The following FRMD3 variants were observed in gnomAD, a reference collection of about 807,000 sequenced individuals.
The protein encoded by FRMD3 is FERM domain containing 3, also known as FERM domain-containing protein 3.
FRMD3 carries 33 observed loss-of-function variants against 70.2 expected under a neutral mutation model. The ratio of observed to expected loss-of-function variants is 0.47; its 90% CI spans 0.36 to 0.63. The LOEUF (loss-of-function observed/expected upper bound fraction) is 0.63, where lower values mean the gene tolerates loss of function less well. FRMD3 is among the 20% of genes least tolerant of loss of function. FRMD3 has a pLI of 0.00. For missense variants in FRMD3, 632 were observed against 711.4 expected (o/e 0.89, Z 1.27); for synonymous variants, 279 against 255.9 (o/e 1.09, Z -0.86).
intron 1 of FRMD3, among the ~76,000 whole-genome samples, chr9:83,476,060 T>C (rs1157835875): frequency 6.6e-6 from 1 of 152,110 alleles, no homozygotes; most frequent in Non-Finnish European, 1.5e-5. Context: ...TGCTGTATCC[T>C]TGGGCCGACA....
chr9:83,400,460 T>C (rs1444916629), intron 1 of FRMD3, among the ~76,000 whole-genome samples: 1 of 152,186 alleles, frequency 6.6e-6, no homozygotes, highest in African/African-American at 2.4e-5. Flanking sequence ...ATTGTCAAGA[T>C]GTCAGTTCTT....
intron 1 of FRMD3, among the ~76,000 whole-genome samples, chr9:83,450,636 C>A (rs1156467751): frequency 6.6e-6 from 1 of 152,128 alleles, no homozygotes; most frequent in Non-Finnish European, 1.5e-5. Context: ...GGAACAAAGA[C>A]CCTCAGCTCC....
intron 1 of FRMD3, among the ~76,000 whole-genome samples, chr9:83,505,463 A>G (rs180728057): frequency 6.6e-6 from 1 of 152,266 alleles, no homozygotes; most frequent in East Asian, 1.9e-4. Flanking sequence ...AGGATTACTT[A>G]CAGATGGGGG....
intron 13 of FRMD3, among the ~76,000 whole-genome samples, chr9:83,279,876 A>G (rs9942866): frequency 0.053 from 7,997 of 152,196 alleles, 532 homozygotes; most frequent in African/African-American, 0.16. Context: ...AGGTAATAAG[A>G]TGATAGGTGC....
intron 13 of FRMD3, among the ~76,000 whole-genome samples, chr9:83,249,604 T>G (rs1427269874): frequency 6.6e-6 from 1 of 152,192 alleles, no homozygotes; most frequent in Non-Finnish European, 1.5e-5. Flanking sequence ...AGATATTTCA[T>G]GATAGCTCTA....
chr9:83,411,102 A>T (rs1463133836), intron 1 of FRMD3, among the ~76,000 whole-genome samples: 27 of 152,226 alleles, frequency 1.8e-4, no homozygotes. Context: ...GGGCTGGAAC[A>T]TCACCTGCCC....
At chr9:83,460,882 C>T (rs1827950226) in intron 1 of FRMD3, among the ~76,000 whole-genome samples, 1 of 151,920 alleles carries the variant, frequency 6.6e-6, no homozygotes, top group Non-Finnish European at 1.5e-5. Context: ...ACAGATCACA[C>T]CATCATCTTA....
At position 83,247,939 on chromosome 9, in the gene FRMD3, G is replaced by A; in HGVS notation, c.1773C>T (p.Leu591=). Residue 591 remains leucine (L), a synonymous_variant, in exon 14 of 14, where the codon CTC becomes CTT. Transcript: ENST00000304195. ...EWVAGKVHLI[L]YMLGCS Reference sequence around the variant, plus strand: ...AACTTCATGAGCAACCCAGCATGTAGAGGATGAGGTGGACTTTCCCAGCCA... The same window carrying A: ...AACTTCATGAGCAACCCAGCATGTAAAGGATGAGGTGGACTTTCCCAGCCA... 1 of 1,614,112 alleles carries A rather than the reference G, an allele frequency of 6.2e-7. No individual in the cohort carries two copies. The highest frequency in any genetic ancestry group is 8.5e-7 in the Non-Finnish European group (1 of 1,179,988).
intron 6 of FRMD3, among the ~76,000 whole-genome samples, chr9:83,319,993 C>T (rs1369078237): frequency 6.6e-6 from 1 of 152,166 alleles, no homozygotes; most frequent in African/African-American, 2.4e-5. Context: ...CTACCGATTT[C>T]TGCATATATA....
At chr9:83,292,911 C>T (rs1184907599) in intron 12 of FRMD3, among the ~76,000 whole-genome samples, 1 of 152,206 alleles carries the variant, frequency 6.6e-6, no homozygotes, top group Non-Finnish European at 1.5e-5. Flanking sequence ...TCCCAAAGTG[C>T]TGGGATTACA....
chr9:83,343,502 A>G (rs1823844920), intron 4 of FRMD3, among the ~76,000 whole-genome samples: 1 of 152,094 alleles, frequency 6.6e-6, no homozygotes, highest in African/African-American at 2.4e-5. Flanking sequence ...AGATCTTATC[A>G]GCCTCCAAAG....
the FRMD3 span, among the ~76,000 whole-genome samples, chr9:83,559,437 C>G: frequency 3.1e-3 from 465 of 152,262 alleles, 2 homozygotes; most frequent in Middle Eastern, 6.8e-3. Flanking sequence ...TTCATATGCA[C>G]TGGGAAATCA....
At chr9:83,430,101 G>C (rs138752706) in intron 1 of FRMD3, among the ~76,000 whole-genome samples, 1 of 152,122 alleles carries the variant, frequency 6.6e-6, no homozygotes, top group Non-Finnish European at 1.5e-5. Flanking sequence ...CTTGAATCAA[G>C]GCCTTTCTGA....
At chr9:83,485,161 G>A (rs945921576) in intron 1 of FRMD3, among the ~76,000 whole-genome samples, 1 of 152,240 alleles carries the variant, frequency 6.6e-6, no homozygotes, top group East Asian at 1.9e-4. Flanking sequence ...AGCCCATACA[G>A]ACAACAAACC....
intron 13 of FRMD3, among the ~76,000 whole-genome samples, chr9:83,257,592 C>A (rs765059299): frequency 6.6e-6 from 1 of 151,968 alleles, no homozygotes; most frequent in African/African-American, 2.4e-5. Flanking sequence ...AAAATGTCTT[C>A]TTTTTATATT....
chr9:83,352,599 T>TC (rs1303013199), intron 3 of FRMD3, among the ~76,000 whole-genome samples: 3 of 151,972 alleles, frequency 2.0e-5, no homozygotes, highest in Non-Finnish European at 4.4e-5. Context: ...ACATGAAGAG[T>TC]CCTTCCATCA....
chr9:83,523,038 T>C (rs1829610959), intron 1 of FRMD3, among the ~76,000 whole-genome samples: 1 of 152,214 alleles, frequency 6.6e-6, no homozygotes, highest in Admixed American at 6.5e-5. Context: ...TGTGTCTGTC[T>C]GTCTTTTCTA....
chr9:83,425,011 C>T (rs887711725), intron 1 of FRMD3, among the ~76,000 whole-genome samples: 1 of 152,194 alleles, frequency 6.6e-6, no homozygotes, highest in Non-Finnish European at 1.5e-5. Flanking sequence ...ACCCTGTAAG[C>T]AGAATAACTA....
chr9:83,530,704 T>G (rs1829776030), intron 1 of FRMD3, among the ~76,000 whole-genome samples: 2 of 151,576 alleles, frequency 1.3e-5, no homozygotes, highest in Non-Finnish European at 1.5e-5. Context: ...TTGAAAATAG[T>G]TTTTTTTTAA....
Sources: gnomAD v4.1 joint callset for allele counts (sites outside exome capture counted in the v4.1 genomes callset) on GRCh38, gnomAD v4.1.1 for gene constraint, MANE v1.5 for transcripts, NCBI Gene and HGNC (gene_info 2026-07-23, HGNC 2026-07-21) for gene names.